Variants in DIAPH3 observed in about 807,000 individuals in gnomAD.
DIAPH3 encodes the protein diaphanous related formin 3.
DIAPH3 carries 117 observed loss-of-function variants against 144.3 expected under a neutral mutation model. The observed-to-expected ratio is 0.81, with a 90% CI of 0.70 to 0.95. The LOEUF (loss-of-function observed/expected upper bound fraction) is 0.95, where lower values mean the gene tolerates loss of function less well. Among genes scored for constraint, DIAPH3 ranks in the 40% least tolerant of loss-of-function variants. The pLI is 0.00. For missense variants in DIAPH3, 1,421 were observed against 1,412.7 expected (o/e 1.01, Z -0.09); for synonymous variants, 519 against 488.9 (o/e 1.06, Z -0.81).
intron 17 of DIAPH3, among the ~76,000 whole-genome samples, chr13:59,934,362 C>T (rs575280194): frequency 1.3e-5 from 2 of 152,116 alleles, no homozygotes; most frequent in African/African-American, 4.8e-5. Context: ...ACTGTAATTA[C>T]ACTAGCCTTA....
At chr13:59,959,148 T>C (rs1372868616) in intron 17 of DIAPH3, among the ~76,000 whole-genome samples, 1 of 152,120 alleles carries the variant, frequency 6.6e-6, no homozygotes, top group Non-Finnish European at 1.5e-5. Flanking sequence ...AGTGCGGAGA[T>C]TACAGGTGTG....
At chr13:60,029,730 C>T (rs993654425) in intron 5 of DIAPH3, among the ~76,000 whole-genome samples, 2 of 152,156 alleles carry the variant, frequency 1.3e-5, no homozygotes, top group South Asian at 2.1e-4. Flanking sequence ...ATAAATTACC[C>T]GGTCTCAGGC....
At chr13:60,130,685 C>T (rs1388493848) in intron 2 of DIAPH3, among the ~76,000 whole-genome samples, 3 of 152,198 alleles carry the variant, frequency 2.0e-5, no homozygotes, top group Non-Finnish European at 2.9e-5. Context: ...TGCCAGAAAG[C>T]ATGCTAGGTA....
chr13:60,069,259 C>T (rs898692992), intron 4 of DIAPH3, among the ~76,000 whole-genome samples: 4 of 152,046 alleles, frequency 2.6e-5, no homozygotes, highest in Admixed American at 6.6e-5. Flanking sequence ...TTTTCATATG[C>T]TTGTTGATTA....
In DIAPH3 at chr13:60,048,657, T is replaced by C. The variant is rs564158389; in HGVS notation, c.496-5837A>G. Among the ~76,000 whole-genome samples the C allele has an allele frequency of 8.4e-5, 8 of 95,552 alleles. No individual in the cohort carries two copies. The South Asian group carries it at 3.8e-3, about 45-fold the overall frequency. The allele number at this position is 95,552 out of a possible 152,430, so 62.7% of individuals were successfully genotyped here. A position where few individuals can be genotyped will look rare whatever the true frequency, so the allele number is the denominator to read the frequency against. On this transcript the variant is annotated intron_variant, in intron 4 of 27. Transcript: ENST00000400324. ...ATACATTGCCCATATTACTCAGCAA[T>C]TGCAGTTACTAGAGTAGTGAGAATT...
At chr13:60,072,096 G>C (rs1418471624) in intron 4 of DIAPH3, among the ~76,000 whole-genome samples, 1 of 151,962 alleles carries the variant, frequency 6.6e-6, no homozygotes, top group East Asian at 1.9e-4. Flanking sequence ...CTTCCACATG[G>C]GCCCTCTCCC....
intron 12 of DIAPH3, among the ~76,000 whole-genome samples, chr13:59,984,598 G>C (rs1003343983): frequency 6.6e-6 from 1 of 151,040 alleles, no homozygotes; most frequent in Non-Finnish European, 1.5e-5. Context: ...GAAAAAAAGA[G>C]AGAAGAATCA....
At chr13:60,145,630 C>T (rs901527818) in intron 1 of DIAPH3, among the ~76,000 whole-genome samples, 1 of 152,198 alleles carries the variant, frequency 6.6e-6, no homozygotes, top group African/African-American at 2.4e-5. Flanking sequence ...GCCTGGGTGA[C>T]AGAGCGAGAC....
At chr13:59,709,891 T>C (rs2034638656) in intron 27 of DIAPH3, among the ~76,000 whole-genome samples, 11 of 151,648 alleles carry the variant, frequency 7.3e-5, no homozygotes, top group South Asian at 2.1e-4. Context: ...GTGGCACATA[T>C]ACACCATGGA....
At chr13:60,023,804 G>A (rs1187342491) in intron 5 of DIAPH3, among the ~76,000 whole-genome samples, 1 of 138,234 alleles carries the variant, frequency 7.2e-6, no homozygotes, top group Non-Finnish European at 1.6e-5. Flanking sequence ...TTGTGATTCA[G>A]TTTAGGTAGG....
At chr13:59,748,721 C>T (rs2036829546) in intron 27 of DIAPH3, among the ~76,000 whole-genome samples, 1 of 152,106 alleles carries the variant, frequency 6.6e-6, no homozygotes, top group Admixed American at 6.5e-5. Flanking sequence ...CTTCCTTACA[C>T]CTGGATATTC....
At chr13:59,686,145 T>TA (rs766636039) in intron 27 of DIAPH3, among the ~76,000 whole-genome samples, 24 of 152,142 alleles carry the variant, frequency 1.6e-4, no homozygotes, top group Non-Finnish European at 2.9e-4. Context: ...AAAATAATGT[T>TA]ATAAATATTT....
chr13:60,095,526 ATG>A (rs1364539609), intron 3 of DIAPH3, among the ~76,000 whole-genome samples: 1 of 151,998 alleles, frequency 6.6e-6, no homozygotes, highest in African/African-American at 2.4e-5. Flanking sequence ...GTAAATTGTC[ATG>A]GCGCTAGTGA....
intron 7 of DIAPH3, chr13:60,012,723 T>A (rs529077787): frequency 1.8e-3 from 278 of 153,034 alleles, no homozygotes; most frequent in Non-Finnish European, 3.0e-3. Context: ...TCATGCTGAC[T>A]TCCTCCAAGT....
At chr13:59,775,730 C>T (rs341546) in intron 25 of DIAPH3, among the ~76,000 whole-genome samples, 101,370 of 151,540 alleles carry the variant, frequency 0.67, 34,199 homozygotes, top group East Asian at 0.72. Flanking sequence ...TTTTACAGAA[C>T]GTATAGTTTA....
intron 27 of DIAPH3, among the ~76,000 whole-genome samples, chr13:59,669,708 T>A (rs2138580814): frequency 6.6e-6 from 1 of 152,248 alleles, no homozygotes; most frequent in South Asian, 2.1e-4. Context: ...GCTCTAATAA[T>A]CATAAATTTA....
intron 5 of DIAPH3, among the ~76,000 whole-genome samples, chr13:60,032,196 AGC>A (rs2054850975): frequency 1.3e-5 from 2 of 152,158 alleles, no homozygotes; most frequent in African/African-American, 4.8e-5. Context: ...GAGTGTCTAT[AGC>A]TTTTCCAGGT....
chr13:59,730,407 A>C (rs1318609173), intron 27 of DIAPH3, among the ~76,000 whole-genome samples: 1 of 152,202 alleles, frequency 6.6e-6, no homozygotes, highest in Non-Finnish European at 1.5e-5. Context: ...GCATTTGACT[A>C]CACAAGGGCA....
intron 24 of DIAPH3, among the ~76,000 whole-genome samples, chr13:59,813,129 G>A (rs914351355): frequency 6.6e-6 from 1 of 151,496 alleles, no homozygotes; most frequent in Non-Finnish European, 1.5e-5. Context: ...TGGGAGTACG[G>A]GCGCAGAAAC....
Sources: gnomAD v4.1 joint callset for allele counts (sites outside exome capture counted in the v4.1 genomes callset) on GRCh38, gnomAD v4.1.1 for gene constraint, MANE v1.5 for transcripts, NCBI Gene and HGNC (gene_info 2026-07-23, HGNC 2026-07-21) for gene names.